Variants in PFKFB3 observed in about 807,000 individuals in gnomAD.
PFKFB3 encodes the protein 6-phosphofructo-2-kinase/fructose-2,6-biphosphatase 3, also known as 6-phosphofructo-2-kinase/fructose-2,6-bisphosphatase 3.
In PFKFB3, 33 loss-of-function variants were observed where a neutral mutation model predicts 68.0. That is an observed-to-expected ratio of 0.49 (90% CI 0.37 to 0.65). The LOEUF (loss-of-function observed/expected upper bound fraction) is 0.65. Among genes scored for constraint, PFKFB3 ranks in the 30% least tolerant of loss-of-function variants. PFKFB3 has a pLI of 0.00. For missense variants in PFKFB3, 586 were observed against 712.2 expected, an observed-to-expected ratio of 0.82 and a Z score of 2.02; for synonymous variants, 315 against 288.2, an observed-to-expected ratio of 1.09 and a Z score of -0.94.
Position 6,217,184 on chromosome 10 carries a change from A to G in PFKFB3, c.491A>G (p.Asn164Ser), listed in dbSNP as rs1435603598. 12 of 1,613,894 alleles carry G rather than the reference A, an allele frequency of 7.4e-6. 1 individual carries two copies. The highest frequency in any genetic ancestry group is 5.3e-5 in the African/African-American group (4 of 74,912). ...VCDDPTVVAS[N>S]IMEVKISSPD... ...GACGACCCTACAGTTGTGGCCTCCA[A>G]TATCATGGTAAGACAGCCGGGAGCC... is the stretch of plus-strand genomic sequence containing the variant. The change falls in exon 6 of 15, where the codon AAT becomes AGT. Residue 164 changes from asparagine to serine, a missense_variant. Coordinates refer to ENST00000379775, the MANE Select transcript of PFKFB3 (RefSeq NM_004566.4).
chr10:6,317,861 A>G, the PFKFB3 span, among the ~76,000 whole-genome samples: 17 of 152,182 alleles, frequency 1.1e-4, no homozygotes, highest in Non-Finnish European at 2.1e-4. Flanking sequence ...AGAAGACGCA[A>G]TTGTGCGCAA....
At chr10:6,297,723 T>TGAC in the PFKFB3 span, among the ~76,000 whole-genome samples, 3 of 152,218 alleles carry the variant, frequency 2.0e-5, no homozygotes, top group East Asian at 5.8e-4. Context: ...TCCTTGATGA[T>TGAC]GACCCTGTGG....
the PFKFB3 span, among the ~76,000 whole-genome samples, chr10:6,289,977 G>C: frequency 6.6e-6 from 1 of 152,170 alleles, no homozygotes; most frequent in Non-Finnish European, 1.5e-5. Context: ...TCGTGAATGG[G>C]AGTTCACTCA....
chr10:6,145,333 A>G (rs1322464376), intron 1 of PFKFB3, among the ~76,000 whole-genome samples: 2 of 151,302 alleles, frequency 1.3e-5, no homozygotes, highest in African/African-American at 2.4e-5. Context: ...TCTCCTCTGC[A>G]GCCCCGCATT....
intron 1 of PFKFB3, among the ~76,000 whole-genome samples, chr10:6,192,724 A>G (rs370980106): frequency 2.1e-5 from 3 of 142,316 alleles, no homozygotes; most frequent in African/African-American, 8.1e-5. Flanking sequence ...GGGGGATGTC[A>G]CTGATCTGCT....
chr10:6,171,894 G>A (rs916803289), intron 1 of PFKFB3, among the ~76,000 whole-genome samples: 1 of 152,252 alleles, frequency 6.6e-6, no homozygotes, highest in Non-Finnish European at 1.5e-5. Context: ...ATGCCTAGGA[G>A]TCCTTTGGAG....
rs570597968 is a variant in PFKFB3 at position 6,224,990 on chromosome 10, C to T, written c.1341+777C>T. 5.4e-4 allele frequency among the ~76,000 whole-genome samples: 27 copies of T among 50,260 alleles called. No homozygotes were observed. In the South Asian group the frequency reaches 0.01, roughly 20 times the overall value. The allele number at this position is 50,260 out of a possible 152,430, so 33.0% of individuals were successfully genotyped here. A position where few individuals can be genotyped will look rare whatever the true frequency, so the allele number is the denominator to read the frequency against. ...TGGAGAGCAGAGGCCTGGGGGGTGGCGGGTGGGGAGGCGCTTCAGGAGACC... is the reference window on the plus strand; with the variant it reads ...TGGAGAGCAGAGGCCTGGGGGGTGGTGGGTGGGGAGGCGCTTCAGGAGACC... On this transcript the variant is annotated intron_variant, in intron 13 of 14. Transcript: ENST00000379775.
At chr10:6,200,844 C>G (rs1365216071), upstream of PFKFB3, among the ~76,000 whole-genome samples, 1 of 152,194 alleles carries the variant, frequency 6.6e-6, no homozygotes, top group African/African-American at 2.4e-5. Flanking sequence ...ACCTCCGGGA[C>G]ATCAACTCCC....
chr10:6,312,528 A>C, the PFKFB3 span, among the ~76,000 whole-genome samples: 20 of 152,220 alleles, frequency 1.3e-4, no homozygotes, highest in African/African-American at 4.8e-4. Flanking sequence ...AAACAATCAT[A>C]AAATAGGCTA....
chr10:6,206,975 C>G (rs1159438557), intron 1 of PFKFB3, among the ~76,000 whole-genome samples: 7 of 147,034 alleles, frequency 4.8e-5, no homozygotes, highest in Admixed American at 6.8e-5. Flanking sequence ...GGCAGAGGGG[C>G]TCCTCACATC....
chr10:6,180,665 A>T (rs2131786014), intron 1 of PFKFB3, among the ~76,000 whole-genome samples: 1 of 152,182 alleles, frequency 6.6e-6, no homozygotes, highest in Admixed American at 6.5e-5. Context: ...GGGTCTTGCT[A>T]TGTTGTCCAG....
rs895541076 is a variant in PFKFB3 at position 6,229,034 on chromosome 10, C to A, written c.1515+2669C>A. ...ATGACAGCCACATGAAGTGTCATCCCCTTGCCCCCCCAAAAACACACCCGC... is the reference window on the plus strand; with the variant it reads ...ATGACAGCCACATGAAGTGTCATCCACTTGCCCCCCCAAAAACACACCCGC... On this transcript the variant is annotated intron_variant, in intron 14 of 14. Coordinates refer to ENST00000379775, the MANE Select transcript of PFKFB3 (RefSeq NM_004566.4). The surrounding 1 kb of genome is among the most constrained non-coding windows in gnomAD (Gnocchi z 4.3). 2.1e-6 allele frequency: 1 copy of A among 480,144 alleles called. No individual in the cohort carries two copies. The highest frequency in any genetic ancestry group is 4.3e-6 in the Non-Finnish European group (1 of 231,850). 29.7% of individuals were successfully genotyped at this position (480,144 alleles called of 1,614,324 possible). A position where few individuals can be genotyped will look rare whatever the true frequency, so the allele number is the denominator to read the frequency against.
chr10:6,173,014 C>G (rs1842359124), intron 1 of PFKFB3, among the ~76,000 whole-genome samples: 1 of 152,150 alleles, frequency 6.6e-6, no homozygotes, highest in Non-Finnish European at 1.5e-5. Context: ...TCCCAGCATC[C>G]CCTTACACAG....
chr10:6,255,043 CTGATCTCAAG>C (rs1446601183), downstream of PFKFB3, among the ~76,000 whole-genome samples: 1 of 151,770 alleles, frequency 6.6e-6, no homozygotes, highest in Admixed American at 6.6e-5. Context: ...TCTCGAACTC[CTGATCTCAAG>C]TGATCGGCCC....
chr10:6,207,184 C>T (rs1393197240), intron 1 of PFKFB3, among the ~76,000 whole-genome samples: 2 of 152,242 alleles, frequency 1.3e-5, no homozygotes, highest in Non-Finnish European at 2.9e-5. Flanking sequence ...GTCTGCAATC[C>T]CGGCACCTCG....
intron 11 of PFKFB3, among the ~76,000 whole-genome samples, 169 bp from the exon 12 acceptor site, chr10:6,223,789 G>A (rs1845131729): frequency 6.6e-6 from 1 of 152,142 alleles, no homozygotes; most frequent in Non-Finnish European, 1.5e-5. Context: ...GGCTAATTTT[G>A]TATTTTTAGT....
chr10:6,231,989 C>T (rs1845779662), intron 14 of PFKFB3, among the ~76,000 whole-genome samples: 1 of 152,242 alleles, frequency 6.6e-6, no homozygotes, highest in South Asian at 2.1e-4. Flanking sequence ...ACTTTCCTCC[C>T]TGTGGATGGC....
chr10:6,275,053 G>A, the PFKFB3 span, among the ~76,000 whole-genome samples: 1 of 152,146 alleles, frequency 6.6e-6, no homozygotes, highest in African/African-American at 2.4e-5. The surrounding 1 kb of genome is among the most constrained non-coding windows in gnomAD (Gnocchi z 4.9). Flanking sequence ...ACTGGGTGGT[G>A]TCCACTAGGG....
At chr10:6,151,019 G>A (rs1841561505) in intron 1 of PFKFB3, among the ~76,000 whole-genome samples, 2 of 151,978 alleles carry the variant, frequency 1.3e-5, no homozygotes, top group South Asian at 4.2e-4. Context: ...ACAACAAAAA[G>A]CAAAAATTGC....
Sources: allele counts gnomAD v4.1 joint callset (sites outside exome capture counted in the v4.1 genomes callset), GRCh38; gene constraint gnomAD v4.1.1; non-coding constraint Gnocchi (gnomAD v3.1); transcripts MANE v1.5; gene names NCBI Gene and HGNC (gene_info 2026-07-23, HGNC 2026-07-21).